MACROD2: variants seen among roughly 807,000 people sequenced by gnomAD.
The protein encoded by MACROD2 is mono-ADP ribosylhydrolase 2.
Under a neutral mutation model 70.4 loss-of-function variants are expected in MACROD2, and 36 were observed. The ratio of observed to expected loss-of-function variants is 0.51; its 90% CI spans 0.39 to 0.68. The LOEUF (loss-of-function observed/expected upper bound fraction) is 0.68, where lower values mean the gene tolerates loss of function less well. Ranked by LOEUF, MACROD2 falls within the 30% of genes least tolerant of loss-of-function variation. The pLI is 0.00. For synonymous variants in MACROD2, 172 were observed against 178.8 expected, an observed-to-expected ratio of 0.96 and a Z score of 0.30; for missense variants, 496 against 538.4, an observed-to-expected ratio of 0.92 and a Z score of 0.78.
At chr20:14,803,100 A>G (rs2072598175) in intron 5 of MACROD2, among the ~76,000 whole-genome samples, 1 of 152,072 alleles carries the variant, frequency 6.6e-6, no homozygotes, top group Admixed American at 6.6e-5. Flanking sequence ...TTTATTTAAG[A>G]CAAAACAGCA....
At chr20:14,826,809 G>A (rs1272327800) in intron 5 of MACROD2, among the ~76,000 whole-genome samples, 1 of 152,090 alleles carries the variant, frequency 6.6e-6, no homozygotes, top group East Asian at 1.9e-4. Context: ...GGTCTTAAAA[G>A]AAATGATTTT....
At chr20:14,727,518 G>C (rs547309059) in intron 5 of MACROD2, among the ~76,000 whole-genome samples, 1 of 152,038 alleles carries the variant, frequency 6.6e-6, no homozygotes, top group Non-Finnish European at 1.5e-5. Context: ...CTGGGCAATG[G>C]AGTGAGACCC....
chr20:15,444,956 T>G (rs2046543295), intron 7 of MACROD2, among the ~76,000 whole-genome samples: 1 of 151,916 alleles, frequency 6.6e-6, no homozygotes, highest in Non-Finnish European at 1.5e-5. Flanking sequence ...ATTTAACAAT[T>G]ATTTTTAATA....
chr20:14,512,880 G>T (rs1191916321), intron 4 of MACROD2, among the ~76,000 whole-genome samples: 1 of 152,076 alleles, frequency 6.6e-6, no homozygotes, highest in Admixed American at 6.6e-5. Flanking sequence ...AGAGCCCTAA[G>T]TTGTTGTGCC....
intron 8 of MACROD2, among the ~76,000 whole-genome samples, chr20:15,571,259 C>T (rs899854408): frequency 6.6e-6 from 1 of 152,116 alleles, no homozygotes; most frequent in East Asian, 1.9e-4. Flanking sequence ...TGGTTATAAT[C>T]TCTGGATTTC....
chr20:15,741,828 A>C (rs1337467903), intron 8 of MACROD2, among the ~76,000 whole-genome samples: 2 of 152,128 alleles, frequency 1.3e-5, no homozygotes, highest in Non-Finnish European at 2.9e-5. Context: ...GGGTCTTTGC[A>C]TCTAGTAGAG....
intron 6 of MACROD2, among the ~76,000 whole-genome samples, chr20:15,393,298 A>G (rs1284415202): frequency 6.6e-6 from 1 of 152,156 alleles, no homozygotes; most frequent in Non-Finnish European, 1.5e-5. Flanking sequence ...ACAGATGGGG[A>G]CAAAGAGTAA....
At chr20:15,949,467 C>T (rs561012122) in intron 12 of MACROD2, among the ~76,000 whole-genome samples, 1 of 152,072 alleles carries the variant, frequency 6.6e-6, no homozygotes, top group African/African-American at 2.4e-5. Flanking sequence ...GTTGCCCAGC[C>T]CCTGACCATC....
chr20:14,522,590 T>C (rs2123180800), intron 4 of MACROD2, among the ~76,000 whole-genome samples: 1 of 152,364 alleles, frequency 6.6e-6, no homozygotes, highest in South Asian at 2.1e-4. Context: ...TTCTTGTTTG[T>C]GGAACGTCAA....
chr20:15,572,621 A>G (rs2048390397), intron 8 of MACROD2, among the ~76,000 whole-genome samples: 1 of 152,100 alleles, frequency 6.6e-6, no homozygotes, highest in Non-Finnish European at 1.5e-5. Context: ...AGTTATTTTG[A>G]TATACCTTTA....
At chr20:15,574,840 G>C (rs936701700) in intron 8 of MACROD2, among the ~76,000 whole-genome samples, 5 of 152,152 alleles carry the variant, frequency 3.3e-5, no homozygotes, top group Non-Finnish European at 7.4e-5. Flanking sequence ...ATTTGTTTCA[G>C]ATTCTTTTGC....
intron 5 of MACROD2, among the ~76,000 whole-genome samples, chr20:15,163,502 G>T (rs2076362470): frequency 6.6e-6 from 1 of 151,986 alleles, no homozygotes; most frequent in African/African-American, 2.4e-5. Context: ...GCTTTGAATA[G>T]TACAATTAAC....
chr20:15,938,703 A>G (rs903088880), intron 12 of MACROD2, among the ~76,000 whole-genome samples: 3 of 152,144 alleles, frequency 2.0e-5, no homozygotes, highest in Non-Finnish European at 2.9e-5. Flanking sequence ...AGAGTTGCAT[A>G]CTAAATCACA....
intron 6 of MACROD2, among the ~76,000 whole-genome samples, chr20:15,389,038 C>T (rs561623980): frequency 2.6e-5 from 4 of 152,164 alleles, no homozygotes; most frequent in African/African-American, 4.8e-5. Flanking sequence ...ATCTTAGCCA[C>T]GAAAGTATCA....
chr20:15,751,438 C>T (rs2051268081), intron 8 of MACROD2, among the ~76,000 whole-genome samples: 1 of 152,050 alleles, frequency 6.6e-6, no homozygotes, highest in Admixed American at 6.6e-5. Context: ...ACTGAACTAA[C>T]TCTTTCCCAA....
chr20:14,851,100 TA>T (rs1314970286), intron 5 of MACROD2, among the ~76,000 whole-genome samples: 1 of 152,146 alleles, frequency 6.6e-6, no homozygotes, highest in Non-Finnish European at 1.5e-5. Flanking sequence ...TCTTTGGAAA[TA>T]AAAATACACA....
At chr20:15,700,512 TCC>T (rs2050441687) in intron 8 of MACROD2, among the ~76,000 whole-genome samples, 2 of 152,164 alleles carry the variant, frequency 1.3e-5, no homozygotes, top group South Asian at 4.1e-4. Context: ...CTCTTATTTT[TCC>T]CCCTGAATGT....
At chr20:14,647,886 G>A (rs940262658) in intron 4 of MACROD2, among the ~76,000 whole-genome samples, 3 of 151,854 alleles carry the variant, frequency 2.0e-5, no homozygotes, top group African/African-American at 4.8e-5. Context: ...CTCATAAGAG[G>A]GCAACACCAT....
chr20:15,797,630 G>C (rs2147066306), intron 8 of MACROD2, among the ~76,000 whole-genome samples: 2 of 152,278 alleles, frequency 1.3e-5, no homozygotes, highest in South Asian at 4.1e-4. Flanking sequence ...TAGCTACAAG[G>C]GAAGCTGGAA....
Sources: allele counts gnomAD v4.1 joint callset (sites outside exome capture counted in the v4.1 genomes callset), GRCh38; gene constraint gnomAD v4.1.1; transcripts MANE v1.5; gene names NCBI Gene and HGNC (gene_info 2026-07-23, HGNC 2026-07-21).